TMX4: variants seen among roughly 807,000 people sequenced by gnomAD.
TMX4 encodes thioredoxin related transmembrane protein 4.
A neutral mutation model predicts 33.3 loss-of-function variants in TMX4; 23 were observed. The observed-to-expected ratio is 0.69, with a 90% CI of 0.50 to 0.98. The LOEUF (loss-of-function observed/expected upper bound fraction) is 0.98, where lower values mean the gene tolerates loss of function less well. Ranked by LOEUF, TMX4 falls within the 50% of genes least tolerant of loss-of-function variation. The pLI is 0.00. For missense variants in TMX4, 399 were observed against 448.9 expected (o/e 0.89, Z 1.01); for synonymous variants, 164 against 161.5 (o/e 1.02, Z -0.12).
At position 7,987,371 on chromosome 20, in the gene TMX4, T is replaced by G; in HGVS notation, c.532A>C (p.Thr178Pro). 1 of 1,586,042 alleles carries G rather than the reference T, an allele frequency of 6.3e-7. No individual in the cohort carries two copies. The highest frequency in any genetic ancestry group is 8.5e-7 in the Non-Finnish European group (1 of 1,172,900). Residue 178 changes from threonine to proline, a missense_variant, in exon 6 of 8, where the codon ACA becomes CCA. Thr to Pro is a conservative substitution (Grantham distance 38, BLOSUM62 -1). Coordinates refer to ENST00000246024, the MANE Select transcript of TMX4 (RefSeq NM_021156.4). ...CAAGCAGGAATTCCAAGAGTCACTG[T>G]GAAATAGTTGTGAAGATGCTGGAAT... ...GKIWHLHNYFTVTLGIPAWCS... is the reference protein window; with the variant it reads ...GKIWHLHNYFPVTLGIPAWCS...
At chr20:8,010,097 G>T in intron 2 of TMX4, 103 bp downstream of exon 2, 3 of 872,634 alleles carry the variant, frequency 3.4e-6, no homozygotes, top group Non-Finnish European at 5.5e-6. Flanking sequence ...GCCAGTTCAT[G>T]GGTAATCAAT....
At position 7,981,854 on chromosome 20, in the gene TMX4, C is replaced by T. The variant is rs538917523; in HGVS notation, c.*397G>A. 1.8e-5 allele frequency: 3 copies of T among 169,524 alleles called. No homozygotes were observed. The East Asian group carries it at 5.2e-4, about 29-fold the overall frequency. 10.5% of individuals were successfully genotyped at this position (169,524 alleles called of 1,614,324 possible). ...CTTTACACAAGAAAAGGATGCAAGGCTTCTACGTTACACTTTGGGGATGCT... is the reference window on the plus strand; with the variant it reads ...CTTTACACAAGAAAAGGATGCAAGGTTTCTACGTTACACTTTGGGGATGCT... On this transcript the variant is annotated 3_prime_UTR_variant, in exon 8 of 8. Transcript: ENST00000246024.
At chr20:7,986,537 T>C (rs898641669) in intron 6 of TMX4, among the ~76,000 whole-genome samples, 1 of 152,202 alleles carries the variant, frequency 6.6e-6, no homozygotes, top group Non-Finnish European at 1.5e-5. Flanking sequence ...AGGAACTATG[T>C]GTTTAGTATA....
chr20:7,985,598 ATG>A (rs2050627977), intron 6 of TMX4, among the ~76,000 whole-genome samples: 1 of 152,070 alleles, frequency 6.6e-6, no homozygotes, highest in Admixed American at 6.5e-5. Flanking sequence ...GAACACAGAT[ATG>A]TGTTTGTTAT....
intron 5 of TMX4, among the ~76,000 whole-genome samples, chr20:7,988,672 T>A (rs1382032388): frequency 6.6e-6 from 1 of 152,206 alleles, no homozygotes; most frequent in Non-Finnish European, 1.5e-5. Flanking sequence ...AAAGCTGGCA[T>A]CTGTCCTCTG....
chr20:7,985,275 ATAT>A (rs1568533363), intron 6 of TMX4, among the ~76,000 whole-genome samples: 1 of 96,518 alleles, frequency 1.0e-5, no homozygotes. Flanking sequence ...ATATATATAT[ATAT>A]TTTTTTTTTT....
At position 8,018,525 on chromosome 20, in the gene TMX4, AGAG is replaced by A. The variant is rs1367694890; in HGVS notation, c.176+910_176+912del. Among the ~76,000 whole-genome samples, 1,262 of 38,196 alleles carry A rather than the reference AGAG, an allele frequency of 0.033. 389 individuals carry two copies. The East Asian group carries it at 0.57, about 17-fold the overall frequency. 25.1% of individuals were successfully genotyped at this position (38,196 alleles called of 152,430 possible). A position where few individuals can be genotyped will look rare whatever the true frequency, so the allele number is the denominator to read the frequency against. On this transcript the variant is annotated intron_variant, in intron 1 of 7. Transcript: ENST00000246024. ...GAGAGAGAGAGAGAGAGAGAGAGAG[AGAG>A]TCTGCAAGCCCACCATGATGGTCTC...
In TMX4 at chr20:8,009,640, C is replaced by G. The variant is rs568629536; in HGVS notation, c.292+560G>C. 2.6e-5 allele frequency among the ~76,000 whole-genome samples: 4 copies of G among 152,160 alleles called. No homozygotes were observed. In the South Asian group the frequency reaches 8.3e-4, roughly 32 times the overall value. On this transcript the variant is annotated intron_variant, in intron 2 of 7. Coordinates refer to ENST00000246024, the MANE Select transcript of TMX4 (RefSeq NM_021156.4). ...CCATAAATGTCTAAGCTAAATCATG[C>G]ACCTAAACTCTCAGTTTGCAGAAAA... is the stretch of plus-strand genomic sequence containing the variant.
rs2050607514 is a variant in TMX4 at position 7,981,870 on chromosome 20, T to C, written c.*381A>G. The C allele has an allele frequency of 5.5e-6, 1 of 181,096 alleles. No individual in the cohort carries two copies. The highest frequency in any genetic ancestry group is 1.5e-4 in the South Asian group (1 of 6,518). The allele number at this position is 181,096 out of a possible 1,614,324, so 11.2% of individuals were successfully genotyped here. A position where few individuals can be genotyped will look rare whatever the true frequency, so the allele number is the denominator to read the frequency against. On this transcript the variant is annotated 3_prime_UTR_variant, in exon 8 of 8. Coordinates refer to ENST00000246024, the MANE Select transcript of TMX4 (RefSeq NM_021156.4). ...GATGCAAGGCTTCTACGTTACACTTTGGGGATGCTCAGGAGCCAAGGCTCC... is the reference window on the plus strand; with the variant it reads ...GATGCAAGGCTTCTACGTTACACTTCGGGGATGCTCAGGAGCCAAGGCTCC...
chr20:8,008,165 G>C (rs951498662), intron 2 of TMX4, among the ~76,000 whole-genome samples: 1 of 152,102 alleles, frequency 6.6e-6, no homozygotes, highest in Non-Finnish European at 1.5e-5. Context: ...TATTTTCTAT[G>C]TCTCTCAAAT....
Position 8,019,537 on chromosome 20 carries a change from C to T in TMX4, c.77G>A (p.Gly26Asp), listed in dbSNP as rs1228816689. ...AWIAAVAATA[G>D]PEEAALPPEQ... is the part of the protein sequence containing the mutation. ...CGGCGGCAGCGCGGCCTCCTCGGGGCCTGCCGTCGCCGCCACAGCCGCGAT... is the reference window on the plus strand; with the variant it reads ...CGGCGGCAGCGCGGCCTCCTCGGGGTCTGCCGTCGCCGCCACAGCCGCGAT... The change falls in exon 1 of 8, where the codon GGC becomes GAC. Residue 26 changes from glycine to aspartate, a missense_variant. Physicochemically the swap from Gly to Asp is moderately conservative, Grantham distance 94 (BLOSUM62 -1). Coordinates refer to ENST00000246024, the MANE Select transcript of TMX4 (RefSeq NM_021156.4). 6.8e-7 allele frequency: 1 copy of T among 1,477,928 alleles called. No homozygotes were observed. Among genetic ancestry groups the T allele is most frequent in the Non-Finnish European group, 9.0e-7 (1 of 1,114,440 alleles). 91.6% of individuals were successfully genotyped at this position (1,477,928 alleles called of 1,614,324 possible).
rs1208804343 is a variant in TMX4, at chr20:7,993,991, C to T, written c.513+2035G>A. On this transcript the variant is annotated intron_variant, in intron 5 of 7. Transcript: ENST00000246024. ...TTATAAGATTTATTTAAAACATAAT[C>T]AAAAGGTTGAAAATAGAAAAATTAC... Among the ~76,000 whole-genome samples the T allele has an allele frequency of 3.3e-5, 5 of 151,804 alleles. No individual in the cohort carries two copies. In the Middle Eastern group the frequency reaches 0.014, roughly 416 times the overall value.
chr20:7,999,605 G>A, intron 4 of TMX4, 127 bp downstream of exon 4: 2 of 1,076,380 alleles, frequency 1.9e-6, no homozygotes, highest in Non-Finnish European at 2.6e-6. Flanking sequence ...GCTAAGCATG[G>A]CCATGAGTAA....
intron 1 of TMX4, chr20:8,019,056 T>G (rs1274264190): frequency 2.2e-6 from 1 of 456,068 alleles, no homozygotes; most frequent in Admixed American, 2.5e-5. Flanking sequence ...GCACACGGTT[T>G]GCTTGCAGAT....
At chr20:8,009,850 T>C (rs1333429709) in intron 2 of TMX4, among the ~76,000 whole-genome samples, 1 of 103,416 alleles carries the variant, frequency 9.7e-6, no homozygotes, top group Non-Finnish European at 1.7e-5. Context: ...GGATCCTCAG[T>C]CAAAAAACTG....
intron 5 of TMX4, among the ~76,000 whole-genome samples, chr20:7,993,781 GCACA>G (rs138693877): frequency 1.3e-5 from 2 of 149,290 alleles, no homozygotes; most frequent in African/African-American, 4.9e-5. Flanking sequence ...TTAAGGTAAT[GCACA>G]CACACACACA....
intron 1 of TMX4, among the ~76,000 whole-genome samples, chr20:8,010,987 T>C (rs1357007109): frequency 6.6e-6 from 1 of 152,114 alleles, no homozygotes; most frequent in East Asian, 1.9e-4. Flanking sequence ...TGAAGGAGAT[T>C]TGGTGCCTCC....
intron 4 of TMX4, among the ~76,000 whole-genome samples, chr20:7,998,632 C>G (rs1415688708): frequency 6.6e-6 from 1 of 152,158 alleles, no homozygotes; most frequent in Non-Finnish European, 1.5e-5. Context: ...TCCTACATTC[C>G]CTTTCACTAT....
chr20:8,013,263 A>G (rs1365873476), intron 1 of TMX4, among the ~76,000 whole-genome samples: 2 of 152,174 alleles, frequency 1.3e-5, no homozygotes, highest in African/African-American at 4.8e-5. Flanking sequence ...TCTCCTAAGA[A>G]CTATAAAAGA....
Sources: allele counts gnomAD v4.1 joint callset (sites outside exome capture counted in the v4.1 genomes callset), GRCh38; gene constraint gnomAD v4.1.1; transcripts MANE v1.5; gene names NCBI Gene and HGNC (gene_info 2026-07-23, HGNC 2026-07-21).